The following FMNL2 variants were observed in gnomAD, a reference collection of about 807,000 sequenced individuals.
FMNL2 encodes the protein formin like 2.
FMNL2 carries 51 observed loss-of-function variants against 130.2 expected under a neutral mutation model. The ratio of observed to expected loss-of-function variants is 0.39; its 90% CI spans 0.31 to 0.49. The LOEUF is 0.49. FMNL2 is among the 20% of genes least tolerant of loss of function. The pLI, the probability that FMNL2 is intolerant of heterozygous loss-of-function variation, is 0.85. For missense variants in FMNL2, 977 were observed against 1,316.2 expected (o/e 0.74, Z 3.99); for synonymous variants, 465 against 467.1 (o/e 1.00, Z 0.06).
chr2:152,411,605 T>C (rs1686296066), intron 1 of FMNL2, among the ~76,000 whole-genome samples: 2 of 152,194 alleles, frequency 1.3e-5, no homozygotes, highest in African/African-American at 4.8e-5. Context: ...TCACTGTAAG[T>C]AGGATTACAG....
At chr2:152,490,045 G>A (rs1360411247) in intron 1 of FMNL2, among the ~76,000 whole-genome samples, 2 of 152,176 alleles carry the variant, frequency 1.3e-5, no homozygotes, top group Admixed American at 1.3e-4. Context: ...AAGAAAATTT[G>A]TAGCTGATCT....
At chr2:152,519,125 C>T (rs760528841) in intron 1 of FMNL2, among the ~76,000 whole-genome samples, 7 of 152,186 alleles carry the variant, frequency 4.6e-5, no homozygotes, top group Non-Finnish European at 7.4e-5. Flanking sequence ...TGCTTTCGTC[C>T]GCCCTCTGCC....
At chr2:152,410,404 A>G (rs949151536) in intron 1 of FMNL2, among the ~76,000 whole-genome samples, 6 of 152,198 alleles carry the variant, frequency 3.9e-5, no homozygotes, top group African/African-American at 7.2e-5. Flanking sequence ...GAAGGACTAC[A>G]TTTATTCTGA....
chr2:152,347,987 T>C (rs1209960780), intron 1 of FMNL2, among the ~76,000 whole-genome samples: 1 of 151,990 alleles, frequency 6.6e-6, no homozygotes, highest in African/African-American at 2.4e-5. Context: ...CTGTGCTTTC[T>C]CTCCTTCGTA....
rs140731617 is a variant in FMNL2, at chr2:152,429,854, G to A, written c.118-92089G>A. ...TAGTTTTCTTCTCTGTAATATGAAG[G>A]TGCTGGGATAAATAATCTGACATCT... On this transcript the variant is annotated intron_variant, in intron 1 of 25. Transcript: ENST00000288670. Among the ~76,000 whole-genome samples the A allele has an allele frequency of 2.1e-3, 315 of 152,240 alleles. 3 individuals are homozygous for A. The highest frequency in any genetic ancestry group is 6.0e-3 in the East Asian group (31 of 5,172).
chr2:152,593,229 C>T (rs7596254), intron 9 of FMNL2, among the ~76,000 whole-genome samples: 78,420 of 151,646 alleles, frequency 0.52, 22,205 homozygotes, highest in Middle Eastern at 0.66. Flanking sequence ...AGACTGGAAA[C>T]CTGTGATTAA....
intron 23 of FMNL2, among the ~76,000 whole-genome samples, chr2:152,639,201 C>T (rs1214481416): frequency 6.6e-6 from 1 of 152,194 alleles, no homozygotes; most frequent in Non-Finnish European, 1.5e-5. Context: ...GGTTTTAGGA[C>T]ATCATCCCTC....
At chr2:152,393,950 T>C (rs1685256833) in intron 1 of FMNL2, among the ~76,000 whole-genome samples, 1 of 152,256 alleles carries the variant, frequency 6.6e-6, no homozygotes, top group South Asian at 2.1e-4. Context: ...TTTATTTTTT[T>C]AGCCATTTAA....
intron 16 of FMNL2, 97 bp from the exon 17 acceptor site, chr2:152,626,428 A>G: frequency 9.9e-7 from 1 of 1,013,652 alleles, no homozygotes; most frequent in East Asian, 2.6e-5. Flanking sequence ...TACTTAATAG[A>G]AAAAGTGACG....
chr2:152,493,579 C>T (rs1456193793), intron 1 of FMNL2, among the ~76,000 whole-genome samples: 1 of 152,152 alleles, frequency 6.6e-6, no homozygotes, highest in Non-Finnish European at 1.5e-5. Context: ...CCTAATGAGT[C>T]TTCCTGGTGT....
intron 4 of FMNL2, among the ~76,000 whole-genome samples, chr2:152,554,060 G>A (rs1043402961): frequency 6.6e-6 from 1 of 152,136 alleles, no homozygotes; most frequent in African/African-American, 2.4e-5. Flanking sequence ...AATTCTTACA[G>A]ATAGCTATAA....
intron 1 of FMNL2, among the ~76,000 whole-genome samples, chr2:152,389,775 C>T (rs149568007): frequency 2.1e-3 from 326 of 152,308 alleles, no homozygotes; most frequent in African/African-American, 7.6e-3. Context: ...ACACTTTCTT[C>T]AGCTTCCTTC....
chr2:152,640,752 G>A (rs769568285), intron 24 of FMNL2, 39 bp from the exon 25 acceptor site: 4 of 1,605,764 alleles, frequency 2.5e-6, no homozygotes, highest in Non-Finnish European at 3.4e-6. Flanking sequence ...CTCCTAATGG[G>A]TGCTGGCCTC....
intron 1 of FMNL2, among the ~76,000 whole-genome samples, chr2:152,406,455 T>C (rs1685988201): frequency 6.6e-6 from 1 of 152,220 alleles, no homozygotes; most frequent in African/African-American, 2.4e-5. Context: ...CCCATTATTT[T>C]GTTATGGGCT....
chr2:152,599,668 C>T lies in FMNL2; in HGVS notation c.877-7671C>T, dbSNP rs191661551. ...CTGAAGTTTTCACAAGGGTGTTTAG[C>T]ATTATGCGAATGAAACCTCAGGCTC... On this transcript the variant is annotated intron_variant, in intron 9 of 25. Transcript: ENST00000288670. Among the ~76,000 whole-genome samples the T allele has an allele frequency of 1.4e-4, 22 of 152,092 alleles. No individual in the cohort carries two copies. In the East Asian group the frequency reaches 3.1e-3, roughly 21 times the overall value.
At chr2:152,368,833 C>T (rs1286604896) in intron 1 of FMNL2, among the ~76,000 whole-genome samples, 1 of 152,188 alleles carries the variant, frequency 6.6e-6, no homozygotes, top group Non-Finnish European at 1.5e-5. Context: ...GAACTATTAA[C>T]ATTTTTTTCC....
intron 1 of FMNL2, among the ~76,000 whole-genome samples, chr2:152,455,925 G>T (rs1008689371): frequency 2.0e-5 from 3 of 152,152 alleles, no homozygotes; most frequent in Admixed American, 6.5e-5. Flanking sequence ...ACGTTGCCCA[G>T]TGTGGTCTTT....
At chr2:152,463,766 G>A (rs895987629) in intron 1 of FMNL2, among the ~76,000 whole-genome samples, 6 of 152,162 alleles carry the variant, frequency 3.9e-5, no homozygotes, top group Non-Finnish European at 7.3e-5. Flanking sequence ...GTATCCTAGA[G>A]CTCCCGGTAC....
At chr2:152,502,828 G>T (rs1691924141) in intron 1 of FMNL2, among the ~76,000 whole-genome samples, 1 of 152,146 alleles carries the variant, frequency 6.6e-6, no homozygotes, top group South Asian at 2.1e-4. Flanking sequence ...GTATAAGGGG[G>T]TTTATTTCCT....
Sources: allele counts gnomAD v4.1 joint callset (sites outside exome capture counted in the v4.1 genomes callset), GRCh38; gene constraint gnomAD v4.1.1; transcripts MANE v1.5; gene names NCBI Gene and HGNC (gene_info 2026-07-23, HGNC 2026-07-21).